MARCHF1: variants seen among roughly 807,000 people sequenced by gnomAD.
MARCHF1 encodes E3 ubiquitin-protein ligase MARCHF1.
In MARCHF1, 40 loss-of-function variants were observed where a neutral mutation model predicts 54.2. The observed-to-expected ratio is 0.74, with a 90% CI of 0.57 to 0.96. MARCHF1 has a LOEUF of 0.96. Ranked by LOEUF, MARCHF1 falls within the 40% of genes least tolerant of loss-of-function variation. MARCHF1 has a pLI of 0.00. For synonymous variants in MARCHF1, 236 were observed against 236.3 expected (o/e 1.00, Z 0.01); for missense variants, 586 against 656.5 (o/e 0.89, Z 1.17).
chr4:164,030,044 T>A (rs185432835), intron 2 of MARCHF1, among the ~76,000 whole-genome samples: 1 of 152,318 alleles, frequency 6.6e-6, no homozygotes, highest in Admixed American at 6.5e-5. Flanking sequence ...AGAAAACCAA[T>A]TAGCGGACAG....
intron 4 of MARCHF1, among the ~76,000 whole-genome samples, chr4:163,723,399 A>G (rs1356270826): frequency 1.3e-5 from 2 of 152,162 alleles, no homozygotes; most frequent in Non-Finnish European, 2.9e-5. Context: ...ATCAGCTGTT[A>G]GTCTGGTGGG....
intron 3 of MARCHF1, among the ~76,000 whole-genome samples, chr4:163,921,422 T>C (rs1015545019): frequency 6.6e-5 from 10 of 152,150 alleles, no homozygotes; most frequent in Non-Finnish European, 1.5e-4. Context: ...TCATATTACA[T>C]GTTTGCCTTT....
chr4:163,711,548 G>C (rs1159163069), intron 4 of MARCHF1, among the ~76,000 whole-genome samples: 1 of 152,084 alleles, frequency 6.6e-6, no homozygotes, highest in Admixed American at 6.6e-5. Context: ...GCAGAGTCCT[G>C]GTAGATTACA....
chr4:163,631,168 G>A (rs1283394525), intron 5 of MARCHF1, among the ~76,000 whole-genome samples: 1 of 151,880 alleles, frequency 6.6e-6, no homozygotes, highest in Non-Finnish European at 1.5e-5. Flanking sequence ...TATTTATGAA[G>A]ATTTAAATAT....
intron 4 of MARCHF1, among the ~76,000 whole-genome samples, chr4:163,781,864 G>C (rs1747475579): frequency 6.6e-6 from 1 of 152,158 alleles, no homozygotes; most frequent in Non-Finnish European, 1.5e-5. Flanking sequence ...TTGAACGTAA[G>C]TCAGAGATTA....
chr4:163,641,212 C>A (rs1359170783), intron 5 of MARCHF1, among the ~76,000 whole-genome samples: 1 of 151,998 alleles, frequency 6.6e-6, no homozygotes, highest in Non-Finnish European at 1.5e-5. Context: ...CATTTAATAC[C>A]AAAGTTGTTA....
At position 163,973,957 on chromosome 4, in the gene MARCHF1, T is replaced by G. The variant is rs549299988; in HGVS notation, c.-39+14544A>C. 9.2e-5 allele frequency among the ~76,000 whole-genome samples: 14 copies of G among 152,326 alleles called. No individual in the cohort carries two copies. In the South Asian group the frequency reaches 2.9e-3, roughly 32 times the overall value. On this transcript the variant is annotated intron_variant, in intron 3 of 9. Coordinates refer to ENST00000514618, the MANE Select transcript of MARCHF1 (RefSeq NM_001394959.1). The stretch of plus-strand genomic sequence containing the variant: ...AGTAGGAAAAAATAAGGTAATACAG[T>G]AATTTTTGAATATGGCCTCTGGAAT...
At chr4:164,322,663 C>T (rs956076663) in intron 1 of MARCHF1, among the ~76,000 whole-genome samples, 1 of 151,928 alleles carries the variant, frequency 6.6e-6, no homozygotes, top group Admixed American at 6.6e-5. Context: ...ATGCCTGTAT[C>T]AAAACATCTC....
intron 1 of MARCHF1, among the ~76,000 whole-genome samples, chr4:164,293,994 C>T (rs1384187331): frequency 6.6e-6 from 1 of 152,148 alleles, no homozygotes; most frequent in Non-Finnish European, 1.5e-5. Flanking sequence ...GCTGCCAGTG[C>T]GGTTAGAATA....
chr4:163,947,462 T>G (rs190998943), intron 3 of MARCHF1, among the ~76,000 whole-genome samples: 79 of 152,284 alleles, frequency 5.2e-4, no homozygotes, highest in Non-Finnish European at 9.0e-4. Context: ...ATTATGCAGG[T>G]GGGTCCGATA....
chr4:164,035,398 G>T (rs926854633), intron 2 of MARCHF1, among the ~76,000 whole-genome samples: 3 of 150,454 alleles, frequency 2.0e-5, no homozygotes, highest in African/African-American at 7.3e-5. Context: ...AGGTTTGAAA[G>T]AATAACAGTC....
intron 2 of MARCHF1, among the ~76,000 whole-genome samples, chr4:164,028,630 C>T (rs566270897): frequency 1.3e-5 from 2 of 152,224 alleles, no homozygotes; most frequent in East Asian, 1.9e-4. Context: ...GGGTACTATG[C>T]TCACTACCTG....
intron 8 of MARCHF1, among the ~76,000 whole-genome samples, chr4:163,557,460 G>A (rs937295344): frequency 5.3e-5 from 8 of 151,742 alleles, no homozygotes; most frequent in Non-Finnish European, 1.0e-4. Context: ...AATTTGTCTG[G>A]GTCTTTGGGA....
intron 4 of MARCHF1, among the ~76,000 whole-genome samples, chr4:163,834,595 C>T (rs1413780063): frequency 8.4e-6 from 1 of 119,288 alleles, no homozygotes; most frequent in Non-Finnish European, 1.7e-5. Flanking sequence ...AATGCTATCC[C>T]TCCCCCCTCC....
chr4:163,552,374 C>T (rs115616792), intron 8 of MARCHF1, among the ~76,000 whole-genome samples: 1,787 of 152,208 alleles, frequency 0.012, 29 homozygotes, highest in African/African-American at 0.041. Flanking sequence ...GTGCACGCAG[C>T]GGTTTAGAAT....
At chr4:163,582,979 C>A (rs1740278513) in intron 8 of MARCHF1, among the ~76,000 whole-genome samples, 1 of 152,150 alleles carries the variant, frequency 6.6e-6, no homozygotes, top group South Asian at 2.1e-4. Flanking sequence ...GGAATACTTT[C>A]TCTAGGTTTT....
At chr4:164,220,528 G>T (rs376199030) in intron 1 of MARCHF1, among the ~76,000 whole-genome samples, 1 of 143,674 alleles carries the variant, frequency 7.0e-6, no homozygotes, top group Admixed American at 7.1e-5. Flanking sequence ...TAATATATAT[G>T]ATATATATCT....
chr4:164,052,585 G>A (rs564415667), intron 2 of MARCHF1, among the ~76,000 whole-genome samples: 23 of 152,100 alleles, frequency 1.5e-4, no homozygotes, highest in Non-Finnish European at 2.4e-4. Flanking sequence ...TTAGAAGTGC[G>A]CTATAAAACT....
intron 4 of MARCHF1, among the ~76,000 whole-genome samples, chr4:163,781,409 G>A (rs1029146541): frequency 1.3e-5 from 2 of 152,074 alleles, no homozygotes; most frequent in African/African-American, 2.4e-5. Flanking sequence ...AGCCAGATAC[G>A]GCCATTTTCT....
Sources: allele counts gnomAD v4.1 joint callset (sites outside exome capture counted in the v4.1 genomes callset), GRCh38; gene constraint gnomAD v4.1.1; transcripts MANE v1.5; gene names NCBI Gene and HGNC (gene_info 2026-07-23, HGNC 2026-07-21).